The following CASQ2 variants were observed in gnomAD, a reference collection of about 807,000 sequenced individuals.
The protein encoded by CASQ2 is calsequestrin 2.
A neutral mutation model predicts 46.5 loss-of-function variants in CASQ2; 49 were observed. The observed-to-expected ratio is 1.05, with a 90% CI of 0.84 to 1.34. CASQ2 has a LOEUF of 1.34. Among genes scored for constraint, CASQ2 ranks in the 40% most tolerant of loss-of-function variants. CASQ2 has a pLI of 0.00. For missense variants in CASQ2, 486 were observed against 481.3 expected, an observed-to-expected ratio of 1.01 and a Z score of -0.09; for synonymous variants, 174 against 168.5, an observed-to-expected ratio of 1.03 and a Z score of -0.25.
chr1:115,726,082 C>T (rs1460365031), intron 6 of CASQ2, among the ~76,000 whole-genome samples: 1 of 152,138 alleles, frequency 6.6e-6, no homozygotes, highest in African/African-American at 2.4e-5. Flanking sequence ...GCAAATAGTG[C>T]TGGACATATT....
chr1:115,768,195 G>C, intron 1 of CASQ2, 113 bp downstream of exon 1: 1 of 777,542 alleles, frequency 1.3e-6, no homozygotes, highest in Middle Eastern at 2.4e-4. Flanking sequence ...AAATAAAGCA[G>C]AGTTCAGTAT....
At chr1:115,717,542 G>A (rs557343339) in intron 8 of CASQ2, among the ~76,000 whole-genome samples, 4 of 152,288 alleles carry the variant, frequency 2.6e-5, no homozygotes, top group Admixed American at 6.5e-5. Flanking sequence ...GCAGCCTTGC[G>A]ATTATTAAAC....
intron 8 of CASQ2, among the ~76,000 whole-genome samples, chr1:115,717,539 T>G (rs1468594135): frequency 6.6e-6 from 1 of 152,204 alleles, no homozygotes; most frequent in Non-Finnish European, 1.5e-5. Context: ...TTGGCAGCCT[T>G]GCGATTATTA....
At chr1:115,722,551 G>T (rs890617074) in intron 7 of CASQ2, among the ~76,000 whole-genome samples, 1 of 152,084 alleles carries the variant, frequency 6.6e-6, no homozygotes, top group East Asian at 1.9e-4. Flanking sequence ...CTGGGAGAAG[G>T]GGTCCATAGT....
At chr1:115,724,501 A>G (rs891960193) in intron 7 of CASQ2, among the ~76,000 whole-genome samples, 9 of 152,136 alleles carry the variant, frequency 5.9e-5, no homozygotes, top group Non-Finnish European at 1.0e-4. Context: ...CACTTTCTAG[A>G]GCTATTGGAA....
In CASQ2 at chr1:115,745,816, G is replaced by A. The variant is rs576328817; in HGVS notation, c.235-904C>T. Among the ~76,000 whole-genome samples the A allele has an allele frequency of 3.9e-5, 6 of 152,302 alleles. 1 individual carries two copies. In the South Asian group the frequency reaches 8.3e-4, roughly 21 times the overall value. On this transcript the variant is annotated intron_variant, in intron 1 of 10. Coordinates refer to ENST00000261448, the MANE Select transcript of CASQ2 (RefSeq NM_001232.4). ...GCAGTTGTGAGAAATAATACAGAGA[G>A]ATATCTTGTACATTTTACCCAGTTT...
chr1:115,724,838 C>A (rs984559181), intron 7 of CASQ2, among the ~76,000 whole-genome samples: 1 of 152,194 alleles, frequency 6.6e-6, no homozygotes, highest in African/African-American at 2.4e-5. Flanking sequence ...GTACACAAAG[C>A]TACTAGGTGG....
In CASQ2 at chr1:115,704,280, G is replaced by A. The variant is rs542942814; in HGVS notation, c.939+912C>T. Among the ~76,000 whole-genome samples the A allele has an allele frequency of 3.3e-5, 5 of 152,308 alleles. No homozygotes were observed. In the East Asian group the frequency reaches 9.6e-4, roughly 29 times the overall value. ...TCATAACCTAATGATAACTAAACTT[G>A]TACTGATTACTTCAATAAGCATTTA... is the stretch of plus-strand genomic sequence containing the variant. On this transcript the variant is annotated intron_variant, in intron 9 of 10. Transcript: ENST00000261448.
intron 8 of CASQ2, 34 bp downstream of exon 8, chr1:115,717,806 A>C: frequency 6.0e-6 from 9 of 1,496,718 alleles, no homozygotes; most frequent in East Asian, 2.3e-5. Context: ...AGTTCTTGCT[A>C]GAGCTGTAAA....
At chr1:115,738,794 G>T (rs868070060) in intron 3 of CASQ2, among the ~76,000 whole-genome samples, 1 of 151,834 alleles carries the variant, frequency 6.6e-6, no homozygotes, top group South Asian at 2.1e-4. Flanking sequence ...TATTCACCAT[G>T]CTGTACAATA....
chr1:115,709,258 T>G (rs10923235), intron 8 of CASQ2, among the ~76,000 whole-genome samples: 38,310 of 152,116 alleles, frequency 0.25, 4,945 homozygotes, highest in East Asian at 0.38. Flanking sequence ...AGAGAAACGT[T>G]CTCTGTGGAT....
chr1:115,746,049 A>G (rs1238816576), intron 1 of CASQ2, among the ~76,000 whole-genome samples: 1 of 152,146 alleles, frequency 6.6e-6, no homozygotes, highest in African/African-American at 2.4e-5. Flanking sequence ...TTGTCATTTC[A>G]AGAATGTTAT....
At chr1:115,749,588 G>A (rs755682754) in intron 1 of CASQ2, among the ~76,000 whole-genome samples, 16 of 152,070 alleles carry the variant, frequency 1.1e-4, no homozygotes, top group Non-Finnish European at 1.8e-4. Context: ...TGCCTCCCAC[G>A]CTGATAAGAC....
In CASQ2 at chr1:115,740,768, C is replaced by T. The variant is rs761169437; in HGVS notation, c.380G>A (p.Gly127Asp). 1.2e-6 allele frequency: 2 copies of T among 1,613,490 alleles called. No homozygotes were observed. The highest frequency in any genetic ancestry group is 1.7e-6 in the Non-Finnish European group (2 of 1,179,722). Residue 127 changes from glycine (G) to aspartate (D), a missense_variant, in exon 3 of 11, where the codon GGC (glycine) becomes GAC (aspartate). Gly to Asp is a moderately conservative substitution (Grantham distance 94). Coordinates refer to ENST00000261448, the MANE Select transcript of CASQ2 (RefSeq NM_001232.4). ...LKGDRTIEFD[G>D]EFAADVLVEF... is the part of the protein sequence containing the mutation. Reference sequence around the variant, plus strand: ...CACCAAGACATCAGCTGCAAACTCGCCATCAAACTCTATTGTGCGATCACC... The same window carrying T: ...CACCAAGACATCAGCTGCAAACTCGTCATCAAACTCTATTGTGCGATCACC...
In CASQ2 at chr1:115,768,563, G is replaced by T; in HGVS notation, c.-22C>A. On this transcript the variant is annotated 5_prime_UTR_variant, in exon 1 of 11. Transcript: ENST00000261448. The stretch of plus-strand genomic sequence containing the variant: ...TCATTTGGGAAAACTTTTGTTTCTC[G>T]TTCCCAAATATGCTGTGTGCAGAAT... 1 of 1,503,842 alleles carries T rather than the reference G, an allele frequency of 6.6e-7. No individual in the cohort carries two copies. The highest frequency in any genetic ancestry group is 9.2e-7 in the Non-Finnish European group (1 of 1,081,402). The allele number at this position is 1,503,842 out of a possible 1,614,324, so 93.2% of individuals were successfully genotyped here.
chr1:115,742,744 G>A (rs1475725541), intron 2 of CASQ2, among the ~76,000 whole-genome samples: 1 of 151,972 alleles, frequency 6.6e-6, no homozygotes, highest in African/African-American at 2.4e-5. Flanking sequence ...GAGACTGCTG[G>A]GGGAGGAGAC....
intron 7 of CASQ2, among the ~76,000 whole-genome samples, chr1:115,723,293 A>ATATCTATCTATTTATC (rs2101074724): frequency 1.3e-5 from 1 of 74,458 alleles, no homozygotes; most frequent in East Asian, 5.1e-4. Flanking sequence ...ATATCTCTCT[A>ATATCTATCTATTTATC]TATCTATCTA....
At chr1:115,763,840 G>T (rs1202495903) in intron 1 of CASQ2, among the ~76,000 whole-genome samples, 1 of 152,188 alleles carries the variant, frequency 6.6e-6, no homozygotes, top group Non-Finnish European at 1.5e-5. Context: ...TATAGGACAT[G>T]ATAGGAGCAG....
intron 9 of CASQ2, 43 bp downstream of exon 9, chr1:115,705,149 T>G (rs1570795842): frequency 8.2e-7 from 1 of 1,216,356 alleles, no homozygotes; most frequent in Admixed American, 1.7e-5. Context: ...ATCATGAGGT[T>G]GTGACAGCAA....
Sources: allele counts gnomAD v4.1 joint callset (sites outside exome capture counted in the v4.1 genomes callset), GRCh38; gene constraint gnomAD v4.1.1; transcripts MANE v1.5; gene names NCBI Gene and HGNC (gene_info 2026-07-23, HGNC 2026-07-21).